Variants in ANK1 observed in about 807,000 individuals in gnomAD.
The protein encoded by ANK1 is ankyrin 1, also known as ankyrin-1.
A neutral mutation model predicts 210.4 loss-of-function variants in ANK1; 51 were observed. That is an observed-to-expected ratio of 0.24 (90% CI 0.19 to 0.31). The LOEUF (loss-of-function observed/expected upper bound fraction) is 0.31, where lower values mean the gene tolerates loss of function less well. Ranked by LOEUF, ANK1 falls within the 10% of genes least tolerant of loss-of-function variation. ANK1 has a pLI of 1.00. For missense variants in ANK1, 2,051 were observed against 2,504.4 expected, an observed-to-expected ratio of 0.82 and a Z score of 3.86; for synonymous variants, 967 against 1,025.9, an observed-to-expected ratio of 0.94 and a Z score of 1.10.
In ANK1 at chr8:41,704,962, A is replaced by G. The variant is rs922645837; in HGVS notation, c.2098-490T>C. 8.5e-5 allele frequency among the ~76,000 whole-genome samples: 13 copies of G among 152,154 alleles called. No homozygotes were observed. The highest frequency in any genetic ancestry group is 3.1e-4 in the African/African-American group (13 of 41,428). ...ATGTGGAGTCATGGTCACTCCAATG[A>G]CAACAGGTTTTTTCCATTAGAAAGC... On this transcript the variant is annotated intron_variant, in intron 18 of 42. Coordinates refer to ENST00000289734, the MANE Select transcript of ANK1 (RefSeq NM_000037.4). This position sits in a 1 kb window ranked among gnomAD's most constrained non-coding sequence, Gnocchi z 4.1.
chr8:41,820,408 C>G (rs1804057996), intron 1 of ANK1, among the ~76,000 whole-genome samples: 1 of 150,900 alleles, frequency 6.6e-6, no homozygotes, highest in South Asian at 2.1e-4. Flanking sequence ...GCTGCTTAGG[C>G]TGGTCGCAAA....
At chr8:41,714,437 A>AG (rs955707020) in intron 15 of ANK1, among the ~76,000 whole-genome samples, 183 bp from the exon 16 acceptor site, 24 of 152,304 alleles carry the variant, frequency 1.6e-4, no homozygotes, top group Non-Finnish European at 2.6e-4. Flanking sequence ...CTGTGGGAAC[A>AG]GGGGGGAACG....
Position 41,805,157 on chromosome 8 carries a change from TTC to T in ANK1, c.127-47022_127-47021del, listed in dbSNP as rs200054677. ...CTTTCTCTCTCTCTCATAGAGCTCT[TTC>T]TCTCTCTCTCTTTCTTTCTTTCTTT... On this transcript the variant is annotated intron_variant, in intron 1 of 42. Coordinates refer to the ANK1 transcript ENST00000265709. 3.3e-3 allele frequency among the ~76,000 whole-genome samples: 476 copies of T among 146,150 alleles called. 2 individuals are homozygous for T. The highest frequency in any genetic ancestry group is 6.9e-3 in the Middle Eastern group (2 of 290).
At chr8:41,658,862 C>T (rs1016879490) in intron 42 of ANK1, among the ~76,000 whole-genome samples, 28 of 152,046 alleles carry the variant, frequency 1.8e-4, no homozygotes, top group Non-Finnish European at 3.7e-4. Context: ...CACTGCACTC[C>T]AGCCTGGGCG....
intron 1 of ANK1, among the ~76,000 whole-genome samples, chr8:41,790,310 C>T (rs1279864220): frequency 1.3e-5 from 2 of 152,054 alleles, no homozygotes; most frequent in Non-Finnish European, 2.9e-5. Context: ...CCATGCCCAG[C>T]GAATTTTTGT....
At chr8:41,711,326 A>T (rs1826053026) in intron 16 of ANK1, among the ~76,000 whole-genome samples, 1 of 152,224 alleles carries the variant, frequency 6.6e-6, no homozygotes, top group Non-Finnish European at 1.5e-5. Context: ...GAGATCCCAG[A>T]AAAACCTTAA....
At chr8:41,745,483 C>G (rs1024434226) in intron 2 of ANK1, among the ~76,000 whole-genome samples, 2 of 152,126 alleles carry the variant, frequency 1.3e-5, no homozygotes, top group Non-Finnish European at 2.9e-5. Flanking sequence ...TCTGTACGTT[C>G]TTGTAACTTT....
intron 1 of ANK1, among the ~76,000 whole-genome samples, chr8:41,782,987 T>C (rs1238980814): frequency 6.6e-5 from 10 of 152,214 alleles, no homozygotes; most frequent in Non-Finnish European, 1.5e-4. Flanking sequence ...TTTCATCTGA[T>C]TGAATGATTT....
At position 41,679,665 on chromosome 8, in the gene ANK1, C is replaced by T. The variant is rs185000683; in HGVS notation, c.4537+4879G>A. Among the ~76,000 whole-genome samples, 511 of 149,710 alleles carry T rather than the reference C, an allele frequency of 3.4e-3. 6 individuals are homozygous for T. The highest frequency in any genetic ancestry group is 0.033 in the East Asian group (167 of 5,036). ...GCAAGCTCCGCCTCCCGGGTTCACG[C>T]CATTCTCCTGCCTCAGCCTCCCGAG... is the stretch of plus-strand genomic sequence containing the variant. On this transcript the variant is annotated intron_variant, in intron 37 of 42. Coordinates refer to ENST00000289734, the MANE Select transcript of ANK1 (RefSeq NM_000037.4).
intron 38 of ANK1, among the ~76,000 whole-genome samples, chr8:41,670,705 G>A (rs1811990953): frequency 6.6e-6 from 1 of 152,112 alleles, no homozygotes; most frequent in Non-Finnish European, 1.5e-5. Context: ...TGGGCCTCAG[G>A]GTGGGACTGA....
intron 39 of ANK1, chr8:41,665,488 C>T (rs975111753): frequency 1.4e-5 from 5 of 347,920 alleles, no homozygotes; most frequent in African/African-American, 1.1e-4. Flanking sequence ...TCCTGCCCAT[C>T]CCCATGGGAA....
chr8:41,779,805 C>T (rs1168128565), intron 1 of ANK1, among the ~76,000 whole-genome samples: 4 of 152,152 alleles, frequency 2.6e-5, no homozygotes, highest in Admixed American at 2.0e-4. Flanking sequence ...AGAGAAGTGG[C>T]GGAGTTAGGA....
At chr8:41,717,270 T>C (rs1827952998) in intron 12 of ANK1, among the ~76,000 whole-genome samples, 1 of 152,196 alleles carries the variant, frequency 6.6e-6, no homozygotes, top group South Asian at 2.1e-4. Context: ...TGCATGCGTG[T>C]ATATGAGTTT....
chr8:41,866,911 C>T (rs953569963), intron 1 of ANK1, among the ~76,000 whole-genome samples: 4 of 152,178 alleles, frequency 2.6e-5, no homozygotes, highest in Non-Finnish European at 4.4e-5. Context: ...AAGTCTGCAG[C>T]GAACATGGGT....
intron 37 of ANK1, among the ~76,000 whole-genome samples, chr8:41,682,771 G>A (rs1278766692): frequency 1.3e-5 from 2 of 152,210 alleles, no homozygotes; most frequent in Non-Finnish European, 2.9e-5. Flanking sequence ...CTTAATCAGG[G>A]CACAGGAAAT....
At chr8:41,889,305 T>A (rs766094707) in intron 1 of ANK1, among the ~76,000 whole-genome samples, 3 of 152,198 alleles carry the variant, frequency 2.0e-5, no homozygotes, top group Non-Finnish European at 2.9e-5. Flanking sequence ...TCTGGGGTTA[T>A]CAACCTATTG....
intron 1 of ANK1, among the ~76,000 whole-genome samples, chr8:41,782,517 G>A (rs913672501): frequency 2.6e-5 from 4 of 152,096 alleles, no homozygotes; most frequent in Admixed American, 6.5e-5. Flanking sequence ...AGCAGCGTAC[G>A]GACTGAGTGA....
chr8:41,719,714 T>C lies in ANK1; in HGVS notation c.1054A>G (p.Arg352Gly), dbSNP rs762791251. ...LHVAAHCGHH[R>G]VAKVLLDKGA... Reference sequence around the variant, plus strand: ...TTATCCAGAAGGACCTTAGCCACCCTGTGGTGTCCACAGTGGGCAGCCACG... The same window carrying C: ...TTATCCAGAAGGACCTTAGCCACCCCGTGGTGTCCACAGTGGGCAGCCACG... Residue 352 changes from arginine (R) to glycine (G), a missense_variant, in exon 10 of 43, where the codon AGG becomes GGG. Around this residue, in one of 6 missense-constraint regions of ANK1, gnomAD observed 1,413 missense variants for 1,707.4 expected, o/e 0.83. Transcript: ENST00000289734. 8.9e-5 allele frequency: 143 copies of C among 1,614,130 alleles called. No homozygotes were observed. Among genetic ancestry groups the C allele is most frequent in the Non-Finnish European group, 1.2e-4 (140 of 1,180,048 alleles).
At chr8:41,809,184 T>C (rs77440698) in intron 1 of ANK1, among the ~76,000 whole-genome samples, 1,995 of 152,274 alleles carry the variant, frequency 0.013, 44 homozygotes, top group African/African-American at 0.046. Context: ...TTTTTGTACA[T>C]GTTACTGAGT....
Sources: allele counts gnomAD v4.1 joint callset (sites outside exome capture counted in the v4.1 genomes callset), GRCh38; gene constraint gnomAD v4.1.1; regional missense constraint gnomAD v4.1.1; non-coding constraint Gnocchi (gnomAD v3.1); transcripts MANE v1.5; gene names NCBI Gene and HGNC (gene_info 2026-07-23, HGNC 2026-07-21).